Variants in RNF214 observed in about 807,000 individuals in gnomAD.
RNF214 encodes the protein ring finger protein 214.
In RNF214, 25 loss-of-function variants were observed where a neutral mutation model predicts 75.9. The observed-to-expected ratio is 0.33, with a 90% CI of 0.24 to 0.46. The LOEUF is 0.46. RNF214 is among the 20% of genes least tolerant of loss of function. The pLI is 1.00. For missense variants in RNF214, 725 were observed against 857.5 expected (o/e 0.85, Z 1.93); for synonymous variants, 314 against 308.8 (o/e 1.02, Z -0.18).
chr11:117,242,915 T>C (rs939003028), intron 4 of RNF214, among the ~76,000 whole-genome samples: 2 of 152,220 alleles, frequency 1.3e-5, no homozygotes, highest in African/African-American at 2.4e-5. Flanking sequence ...CAGAATCTTT[T>C]GGAAACTTTG....
At chr11:117,261,690 G>C (rs1036296084) in intron 6 of RNF214, among the ~76,000 whole-genome samples, 1 of 152,138 alleles carries the variant, frequency 6.6e-6, no homozygotes, top group Admixed American at 6.5e-5. Flanking sequence ...CTGTCGCCCA[G>C]GATGGAGTGC....
At position 117,248,169 on chromosome 11, in the gene RNF214, G is replaced by A. The variant is rs537404785; in HGVS notation, c.959+1221G>A. On this transcript the variant is annotated intron_variant, in intron 6 of 14. Coordinates refer to ENST00000300650, the MANE Select transcript of RNF214 (RefSeq NM_207343.4). ...CAGCTCACTGCAAGCTCCACCTCCCGGGTTCACGCCATTCTCCTGCCTCAG... is the reference window on the plus strand; with the variant it reads ...CAGCTCACTGCAAGCTCCACCTCCCAGGTTCACGCCATTCTCCTGCCTCAG... Among the ~76,000 whole-genome samples, 21 of 152,122 alleles carry A rather than the reference G, an allele frequency of 1.4e-4. No individual in the cohort carries two copies. The South Asian group carries it at 2.7e-3, about 20-fold the overall frequency.
At chr11:117,239,919 C>CAT (rs2033024778) in intron 4 of RNF214, 59 bp downstream of exon 4, 9 of 898,932 alleles carry the variant, frequency 1.0e-5, no homozygotes, top group Admixed American at 2.0e-5. Flanking sequence ...GATCTAGAGG[C>CAT]ATATCATCTC....
intron 4 of RNF214, among the ~76,000 whole-genome samples, chr11:117,241,060 A>C (rs565937573): frequency 6.6e-6 from 1 of 151,876 alleles, no homozygotes; most frequent in South Asian, 2.1e-4. Flanking sequence ...TGTGCCTGTA[A>C]TCCCAGCTAC....
intron 6 of RNF214, among the ~76,000 whole-genome samples, chr11:117,249,653 G>A (rs542731091): frequency 1.3e-5 from 2 of 152,296 alleles, no homozygotes; most frequent in South Asian, 4.1e-4. Context: ...ACAGTTCTTG[G>A]AGGCTGGAAA....
At position 117,271,964 on chromosome 11, in the gene RNF214, C is replaced by T. The variant is rs150897701; in HGVS notation, c.960-7944C>T. Among the ~76,000 whole-genome samples the T allele has an allele frequency of 1.8e-3, 270 of 152,262 alleles. 1 individual carries two copies. The highest frequency in any genetic ancestry group is 6.8e-3 in the Middle Eastern group (2 of 294). On this transcript the variant is annotated intron_variant, in intron 6 of 14. Coordinates refer to ENST00000300650, the MANE Select transcript of RNF214 (RefSeq NM_207343.4). ...AGTAGCTAGGACTGCAGGAGCACACCACCGTGCCCAGTTAATCTTTTTATT... is the reference window on the plus strand; with the variant it reads ...AGTAGCTAGGACTGCAGGAGCACACTACCGTGCCCAGTTAATCTTTTTATT...
At chr11:117,252,307 A>C (rs1361971296) in intron 6 of RNF214, among the ~76,000 whole-genome samples, 14 of 152,196 alleles carry the variant, frequency 9.2e-5, no homozygotes. Context: ...GCCAGTGGGA[A>C]TGAGAGAAGT....
intron 6 of RNF214, among the ~76,000 whole-genome samples, chr11:117,278,312 A>G (rs959863006): frequency 3.3e-5 from 5 of 152,068 alleles, no homozygotes; most frequent in Non-Finnish European, 5.9e-5. Context: ...TCAAAACAAA[A>G]CAAAACATGT....
intron 2 of RNF214, among the ~76,000 whole-genome samples, chr11:117,236,786 T>TA (rs2032923634): frequency 6.6e-6 from 1 of 152,222 alleles, no homozygotes; most frequent in Non-Finnish European, 1.5e-5. Flanking sequence ...TTTTGATAAA[T>TA]AAAATCAACT....
At chr11:117,244,688 CAG>C in intron 5 of RNF214, 103 bp downstream of exon 5, 3 of 875,824 alleles carry the variant, frequency 3.4e-6, no homozygotes, top group Non-Finnish European at 4.9e-6. Context: ...ATTTTTGAGA[CAG>C]AGTCTCACTC....
At chr11:117,284,510 A>G (rs1013000053) in intron 14 of RNF214, among the ~76,000 whole-genome samples, 8 of 152,194 alleles carry the variant, frequency 5.3e-5, no homozygotes, top group African/African-American at 1.4e-4. Flanking sequence ...AGGGGGAGCA[A>G]GCCACACTAG....
intron 7 of RNF214, 76 bp from the exon 8 acceptor site, chr11:117,280,095 A>G: frequency 6.7e-7 from 1 of 1,488,628 alleles, no homozygotes. Flanking sequence ...GCCAGTAAGC[A>G]TTTGTTTTCA....
chr11:117,233,635 C>T (rs1390844692), intron 1 of RNF214, among the ~76,000 whole-genome samples: 1 of 152,196 alleles, frequency 6.6e-6, no homozygotes, highest in Non-Finnish European at 1.5e-5. Context: ...TTGACTTTTT[C>T]ACGCTAGAGA....
intron 2 of RNF214, among the ~76,000 whole-genome samples, chr11:117,237,771 C>G: frequency 6.6e-6 from 1 of 152,114 alleles, no homozygotes; most frequent in East Asian, 1.9e-4. Flanking sequence ...GATAAAATTT[C>G]TATTGACAGC....
intron 6 of RNF214, among the ~76,000 whole-genome samples, chr11:117,275,574 G>A (rs140884347): frequency 5.1e-4 from 78 of 152,206 alleles, no homozygotes; most frequent in African/African-American, 1.4e-3. Flanking sequence ...CTGATACCAC[G>A]GAAATAGAAA....
intron 6 of RNF214, among the ~76,000 whole-genome samples, chr11:117,270,701 G>A (rs976224712): frequency 9.2e-5 from 14 of 152,224 alleles, no homozygotes; most frequent in African/African-American, 3.4e-4. Flanking sequence ...ACCCGCCTTG[G>A]CCTCCCAAAG....
rs1292453864 is a variant in RNF214, at chr11:117,285,678, A to T, written c.*527A>T. On this transcript the variant is annotated 3_prime_UTR_variant, in exon 15 of 15. Coordinates refer to ENST00000300650, the MANE Select transcript of RNF214 (RefSeq NM_207343.4). ...GATAAAATGAGACTCTGATTGAGGAAAAAAAAGTAACCCTAGTAGTTTGAC... is the reference window on the plus strand; with the variant it reads ...GATAAAATGAGACTCTGATTGAGGATAAAAAAGTAACCCTAGTAGTTTGAC... 1 of 152,694 alleles carries T rather than the reference A, an allele frequency of 6.5e-6. No homozygotes were observed. The highest frequency in any genetic ancestry group is 1.9e-4 in the East Asian group (1 of 5,204). The allele number at this position is 152,694 out of a possible 1,614,324, so 9.5% of individuals were successfully genotyped here. A position where few individuals can be genotyped will look rare whatever the true frequency, so the allele number is the denominator to read the frequency against.
At chr11:117,260,726 C>T (rs960986999) in intron 6 of RNF214, among the ~76,000 whole-genome samples, 3 of 149,058 alleles carry the variant, frequency 2.0e-5, no homozygotes, top group African/African-American at 7.5e-5. Flanking sequence ...GCGATCTTGG[C>T]TCACTGCAAC....
intron 6 of RNF214, among the ~76,000 whole-genome samples, chr11:117,262,662 G>T (rs12295268): frequency 1.3e-5 from 2 of 151,610 alleles, no homozygotes; most frequent in African/African-American, 4.9e-5. Flanking sequence ...GATTACAAGC[G>T]TGAGCTACCA....
Sources: gnomAD v4.1 joint callset for allele counts (sites outside exome capture counted in the v4.1 genomes callset) on GRCh38, gnomAD v4.1.1 for gene constraint, MANE v1.5 for transcripts, NCBI Gene and HGNC (gene_info 2026-07-23, HGNC 2026-07-21) for gene names.